Variants in CCDC146 observed in about 807,000 individuals in gnomAD.
CCDC146 encodes coiled-coil domain-containing protein 146.
In CCDC146, 92 loss-of-function variants were observed where a neutral mutation model predicts 119.3. The ratio of observed to expected loss-of-function variants is 0.77; its 90% confidence interval spans 0.65 to 0.92. CCDC146 has a LOEUF of 0.92. Ranked by LOEUF, CCDC146 falls within the 40% of genes least tolerant of loss-of-function variation. CCDC146 has a pLI of 0.00. For missense variants in CCDC146, 1,000 were observed against 1,103.0 expected, an observed-to-expected ratio of 0.91 and a Z score of 1.32; for synonymous variants, 372 against 371.8, an observed-to-expected ratio of 1.00 and a Z score of -0.01.
chr7:77,143,947 G>A lies in CCDC146; in HGVS notation c.-12+21215G>A, dbSNP rs1029451079. On this transcript the variant is annotated intron_variant, in intron 1 of 18. Coordinates refer to ENST00000285871, the MANE Select transcript of CCDC146 (RefSeq NM_020879.3). ...CTTTAAAGTAGTTTTTTCCAGTTCC[G>A]TGAAGAAAGTAATTGGTAGCTTGAT... is the stretch of plus-strand genomic sequence containing the variant. Among the ~76,000 whole-genome samples the A allele has an allele frequency of 3.1e-4, 47 of 151,828 alleles. 1 individual carries two copies. The highest frequency in any genetic ancestry group is 9.7e-4 in the African/African-American group (40 of 41,178).
intron 15 of CCDC146, among the ~76,000 whole-genome samples, chr7:77,286,421 A>T (rs1366045986): frequency 6.6e-6 from 1 of 152,160 alleles, no homozygotes; most frequent in Non-Finnish European, 1.5e-5. Flanking sequence ...TTCATTCAAC[A>T]TGAGATTTGG....
At chr7:77,127,888 A>G (rs987401663) in intron 1 of CCDC146, among the ~76,000 whole-genome samples, 8 of 152,048 alleles carry the variant, frequency 5.3e-5, no homozygotes, top group African/African-American at 1.9e-4. Context: ...CCTCAAATCT[A>G]TGTTCTAATT....
At chr7:77,161,991 G>A (rs1791270157) in intron 1 of CCDC146, among the ~76,000 whole-genome samples, 1 of 151,510 alleles carries the variant, frequency 6.6e-6, no homozygotes, top group African/African-American at 2.4e-5. Context: ...TTTTTTAATG[G>A]GATTATTTGA....
intron 9 of CCDC146, among the ~76,000 whole-genome samples, chr7:77,272,778 T>A (rs748409268): frequency 5.1e-4 from 78 of 152,114 alleles, no homozygotes; most frequent in Non-Finnish European, 9.4e-4. Context: ...AACAAAGACT[T>A]AAAGAGTGAG....
At chr7:77,210,270 A>G (rs1274441040) in intron 2 of CCDC146, among the ~76,000 whole-genome samples, 2 of 152,208 alleles carry the variant, frequency 1.3e-5, no homozygotes, top group African/African-American at 4.8e-5. Context: ...TGCTGCTTAG[A>G]AGTTTCTTCC....
chr7:77,268,689 T>C (rs904425704), intron 9 of CCDC146, among the ~76,000 whole-genome samples: 19 of 152,208 alleles, frequency 1.2e-4, no homozygotes, highest in African/African-American at 4.6e-4. Flanking sequence ...TGTTGGAAAT[T>C]GTATGTCAGA....
chr7:77,196,894 A>G lies in CCDC146; in HGVS notation c.156+29070A>G. 6.2e-7 allele frequency: 1 copy of G among 1,613,730 alleles called. No homozygotes were observed. Among genetic ancestry groups the G allele is most frequent in the Non-Finnish European group, 8.5e-7 (1 of 1,179,912 alleles). On this transcript the variant is annotated intron_variant, in intron 2 of 18. Transcript: ENST00000285871. The surrounding 1 kb of genome is among the most constrained non-coding windows in gnomAD (Gnocchi z 4.2). ...TGTCACAGTAAACTTCAAAGCTACT[A>G]TTTTTGGGATCAGGTGTAACTCTGT...
chr7:77,262,331 G>T, intron 9 of CCDC146, 24 bp downstream of exon 9: 2 of 1,502,292 alleles, frequency 1.3e-6, no homozygotes, highest in Admixed American at 2.3e-5. Flanking sequence ...ACTACCATCT[G>T]ATTTTTAAGC....
At chr7:77,140,858 G>A (rs1790922383) in intron 1 of CCDC146, among the ~76,000 whole-genome samples, 1 of 152,034 alleles carries the variant, frequency 6.6e-6, no homozygotes, top group African/African-American at 2.4e-5. Flanking sequence ...ATATCACATT[G>A]ATATATTGAT....
intron 14 of CCDC146, among the ~76,000 whole-genome samples, chr7:77,281,702 G>A (rs956445039): frequency 6.6e-6 from 1 of 152,168 alleles, no homozygotes; most frequent in African/African-American, 2.4e-5. Context: ...ACAACCACAT[G>A]CATGCATGTT....
At chr7:77,269,734 G>C (rs1373726979) in intron 9 of CCDC146, among the ~76,000 whole-genome samples, 1 of 152,212 alleles carries the variant, frequency 6.6e-6, no homozygotes, top group East Asian at 1.9e-4. Context: ...AAAACTAACA[G>C]AAATTAAAGT....
chr7:77,259,096 C>T, intron 7 of CCDC146, 28 bp downstream of exon 7: 1 of 1,324,258 alleles, frequency 7.6e-7, no homozygotes, highest in Non-Finnish European at 1.1e-6. Flanking sequence ...TACTTTGAAT[C>T]CCTGCCAGTC....
intron 2 of CCDC146, among the ~76,000 whole-genome samples, chr7:77,215,207 G>A (rs1468767979): frequency 4.5e-4 from 65 of 144,986 alleles, no homozygotes; most frequent in African/African-American, 1.6e-3. Flanking sequence ...TTTTTTTGAA[G>A]TATTACTGTG....
At chr7:77,266,304 G>A (rs1283815223) in intron 9 of CCDC146, among the ~76,000 whole-genome samples, 1 of 152,098 alleles carries the variant, frequency 6.6e-6, no homozygotes, top group Non-Finnish European at 1.5e-5. Context: ...ATTTAAAAGT[G>A]GTTCTGCATT....
intron 1 of CCDC146, among the ~76,000 whole-genome samples, chr7:77,125,410 C>T (rs184280817): frequency 5.6e-4 from 85 of 151,482 alleles, no homozygotes; most frequent in African/African-American, 2.0e-3. Context: ...GAAACAATTC[C>T]AGAGGGATAT....
At chr7:77,254,144 T>A (rs986346678) in intron 4 of CCDC146, among the ~76,000 whole-genome samples, 1 of 152,084 alleles carries the variant, frequency 6.6e-6, no homozygotes, top group Non-Finnish European at 1.5e-5. Flanking sequence ...AGGAGATCGA[T>A]TGGGAGGCTG....
chr7:77,186,634 T>C (rs1791671779), intron 2 of CCDC146, among the ~76,000 whole-genome samples: 1 of 152,156 alleles, frequency 6.6e-6, no homozygotes, highest in African/African-American at 2.4e-5. Context: ...ATTGGATTGT[T>C]TGTAACACAA....
chr7:77,276,136 G>A (rs1048745991), intron 11 of CCDC146, among the ~76,000 whole-genome samples: 4 of 151,444 alleles, frequency 2.6e-5, no homozygotes, highest in African/African-American at 4.9e-5. Flanking sequence ...AACCTAGGAG[G>A]TGGAGGTTGT....
intron 1 of CCDC146, among the ~76,000 whole-genome samples, chr7:77,133,498 A>C (rs1790815905): frequency 2.0e-5 from 3 of 151,922 alleles, no homozygotes; most frequent in Admixed American, 2.0e-4. Flanking sequence ...ACTACAGGTG[A>C]GCACCACCAC....
Sources: allele counts gnomAD v4.1 joint callset (sites outside exome capture counted in the v4.1 genomes callset), GRCh38; gene constraint gnomAD v4.1.1; non-coding constraint Gnocchi (gnomAD v3.1); transcripts MANE v1.5; gene names NCBI Gene and HGNC (gene_info 2026-07-23, HGNC 2026-07-21).